The following GARNL3 variants were observed in gnomAD, a reference collection of about 807,000 sequenced individuals.
The protein encoded by GARNL3 is GTPase activating Rap/RanGAP domain like 3.
GARNL3 carries 63 observed loss-of-function variants against 125.0 expected under a neutral mutation model. That is an observed-to-expected ratio of 0.50 (90% CI 0.41 to 0.62). The LOEUF (loss-of-function observed/expected upper bound fraction) is 0.62. Among genes scored for constraint, GARNL3 ranks in the 20% least tolerant of loss-of-function variants. GARNL3 has a pLI of 0.00. For synonymous variants in GARNL3, 439 were observed against 457.5 expected (o/e 0.96, Z 0.52); for missense variants, 994 against 1,244.0 (o/e 0.80, Z 3.02).
At chr9:127,240,481 A>G (rs1027031103) in intron 1 of GARNL3, among the ~76,000 whole-genome samples, 1 of 152,154 alleles carries the variant, frequency 6.6e-6, no homozygotes, top group Non-Finnish European at 1.5e-5. Flanking sequence ...GCTGCAGGAA[A>G]TGGAAGCCTC....
intron 19 of GARNL3, 64 bp from the exon 20 acceptor site, chr9:127,355,233 T>C: frequency 7.0e-7 from 1 of 1,426,582 alleles, no homozygotes; most frequent in Non-Finnish European, 9.8e-7. Flanking sequence ...TGCCAAATTG[T>C]CAAGGTCTGG....
Position 127,390,133 on chromosome 9 carries a change from C to T in GARNL3, c.2744-508C>T, listed in dbSNP as rs1832747032. Among the ~76,000 whole-genome samples the T allele has an allele frequency of 1.3e-5, 2 of 152,300 alleles. 1 individual carries two copies. Among genetic ancestry groups the T allele is most frequent in the South Asian group, 4.1e-4 (2 of 4,828 alleles). On this transcript the variant is annotated intron_variant, in intron 26 of 27. Coordinates refer to ENST00000373387, the MANE Select transcript of GARNL3 (RefSeq NM_032293.5). ...GCATGAACGTTGGCCTGGGCACACC[C>T]CTGCCCTGCAGTAATATTCCCTGAA...
chr9:127,232,979 G>T (rs187573294), intron 1 of GARNL3, among the ~76,000 whole-genome samples: 85 of 152,322 alleles, frequency 5.6e-4, no homozygotes, highest in African/African-American at 1.9e-3. Context: ...TTTGAGTCCA[G>T]GAGGTCGAGG....
At chr9:127,316,366 A>ACCC (rs1437172544) in intron 4 of GARNL3, among the ~76,000 whole-genome samples, 1 of 151,932 alleles carries the variant, frequency 6.6e-6, no homozygotes, top group Non-Finnish European at 1.5e-5. Context: ...ACATAGTGAG[A>ACCC]CCCTGCCTGC....
At chr9:127,333,545 A>G (rs1829382160) in intron 9 of GARNL3, among the ~76,000 whole-genome samples, 1 of 152,110 alleles carries the variant, frequency 6.6e-6, no homozygotes, top group Non-Finnish European at 1.5e-5. Flanking sequence ...AAAAGTACAG[A>G]GTGCTATGGG....
intron 1 of GARNL3, among the ~76,000 whole-genome samples, chr9:127,238,230 G>A (rs932327472): frequency 1.3e-5 from 2 of 152,046 alleles, no homozygotes; most frequent in East Asian, 3.9e-4. Flanking sequence ...CTCGTGATCC[G>A]CCCACCTTGG....
intron 22 of GARNL3, among the ~76,000 whole-genome samples, chr9:127,373,801 A>G (rs1831734791): frequency 6.6e-6 from 1 of 152,210 alleles, no homozygotes; most frequent in African/African-American, 2.4e-5. Flanking sequence ...ATGTGGGCAG[A>G]TCACTTGAGT....
intron 22 of GARNL3, among the ~76,000 whole-genome samples, chr9:127,382,558 G>GCTGTAAT (rs1832322599): frequency 6.6e-6 from 1 of 152,078 alleles, no homozygotes; most frequent in African/African-American, 2.4e-5. Context: ...GCTGCAGTCA[G>GCTGTAAT]CTGTAATCAT....
chr9:127,306,698 G>T (rs1361718032), intron 2 of GARNL3, among the ~76,000 whole-genome samples: 2 of 150,814 alleles, frequency 1.3e-5, no homozygotes, highest in African/African-American at 2.4e-5. Context: ...CTCTACTCCA[G>T]CCTGGATGAC....
At chr9:127,376,424 T>C (rs536191989) in intron 22 of GARNL3, among the ~76,000 whole-genome samples, 58 of 151,012 alleles carry the variant, frequency 3.8e-4, no homozygotes, top group South Asian at 8.4e-4. Context: ...TTCACCGTGT[T>C]AGCCAGGATG....
Position 127,385,268 on chromosome 9 carries a change from A to G in GARNL3, c.2388+123A>G, listed in dbSNP as rs536608988. Reference sequence around the variant, plus strand: ...TGATGAAGACCGGTGTCAGAATGCCAGCACGAGATGGAAAGCCTGAAACCA... The same window carrying G: ...TGATGAAGACCGGTGTCAGAATGCCGGCACGAGATGGAAAGCCTGAAACCA... On this transcript the variant is annotated intron_variant, in intron 24 of 27. Coordinates refer to ENST00000373387, the MANE Select transcript of GARNL3 (RefSeq NM_032293.5). The surrounding 1 kb of genome is among the most constrained non-coding windows in gnomAD (Gnocchi z 4.1). The G allele has an allele frequency of 5.4e-6, 3 of 557,138 alleles. No homozygotes were observed. The highest frequency in any genetic ancestry group is 3.8e-5 in the African/African-American group (2 of 52,606). The allele number at this position is 557,138 out of a possible 1,614,324, so 34.5% of individuals were successfully genotyped here. A position where few individuals can be genotyped will look rare whatever the true frequency, so the allele number is the denominator to read the frequency against.
At chr9:127,354,000 C>A in intron 18 of GARNL3, 56 bp downstream of exon 18, 4 of 1,141,240 alleles carry the variant, frequency 3.5e-6, no homozygotes, top group Non-Finnish European at 5.3e-6. Context: ...TTGCCTTCTG[C>A]GGCCCACACC....
In GARNL3 at chr9:127,380,971, C is replaced by T. The variant is rs187324159; in HGVS notation, c.2162-2467C>T. 1.2e-4 allele frequency among the ~76,000 whole-genome samples: 19 copies of T among 152,220 alleles called. No homozygotes were observed. In the East Asian group the frequency reaches 3.5e-3, roughly 28 times the overall value. On this transcript the variant is annotated intron_variant, in intron 22 of 27. Coordinates refer to ENST00000373387, the MANE Select transcript of GARNL3 (RefSeq NM_032293.5). ...TTGGCTCACTGCAACCTCTACCCCC[C>T]GGGTTCAAGTGATTCTCCTGCCTCA...
In GARNL3 at chr9:127,311,741, T is replaced by C. The variant is rs1259836455; in HGVS notation, c.319+6T>C. The C allele has an allele frequency of 3.8e-6, 6 of 1,567,188 alleles. No individual in the cohort carries two copies. In the East Asian group the frequency reaches 1.3e-4, roughly 35 times the overall value. On this transcript the variant is annotated splice_donor_region_variant and intron_variant, in intron 3 of 27. Transcript: ENST00000373387. ...CAAATATTTTTTAGGACAAGGTAAT[T>C]ATGCTATTGTGGTGGTAGGGAAGAA...
chr9:127,352,670 C>G (rs1396911347), intron 17 of GARNL3, among the ~76,000 whole-genome samples: 7 of 152,148 alleles, frequency 4.6e-5, no homozygotes. Context: ...AGTCTGTGTT[C>G]TGACAAATCT....
intron 14 of GARNL3, among the ~76,000 whole-genome samples, 160 bp from the exon 15 acceptor site, chr9:127,344,075 G>A (rs1031917429): frequency 1.3e-5 from 2 of 152,114 alleles, no homozygotes; most frequent in African/African-American, 4.8e-5. Flanking sequence ...ATCTACCATG[G>A]ACCTGGTACA....
chr9:127,377,972 G>A (rs1564194336), intron 22 of GARNL3, among the ~76,000 whole-genome samples: 1 of 152,038 alleles, frequency 6.6e-6, no homozygotes, highest in Non-Finnish European at 1.5e-5. Flanking sequence ...TGGGCACGGT[G>A]GCTCACACCA....
At chr9:127,233,106 C>T (rs993378102) in intron 1 of GARNL3, among the ~76,000 whole-genome samples, 18 of 151,954 alleles carry the variant, frequency 1.2e-4, no homozygotes, top group African/African-American at 4.4e-4. Flanking sequence ...TGCCTGTAGT[C>T]CCAGCTACTC....
chr9:127,300,224 C>A, intron 2 of GARNL3: 1 of 305,112 alleles, frequency 3.3e-6, no homozygotes, highest in South Asian at 3.6e-5. Context: ...ACTGAGGCAC[C>A]ACACAATTTT....
Sources: allele counts gnomAD v4.1 joint callset (sites outside exome capture counted in the v4.1 genomes callset), GRCh38; gene constraint gnomAD v4.1.1; non-coding constraint Gnocchi (gnomAD v3.1); transcripts MANE v1.5; gene names NCBI Gene and HGNC (gene_info 2026-07-23, HGNC 2026-07-21).